THRB: variants seen among roughly 807,000 people sequenced by gnomAD.
THRB encodes thyroid hormone receptor beta.
In THRB, 12 loss-of-function variants were observed where a neutral mutation model predicts 47.8. That is an observed-to-expected ratio of 0.25 (90% CI 0.16 to 0.41). The LOEUF is 0.41. Among genes scored for constraint, THRB ranks in the 10% least tolerant of loss-of-function variants. The pLI is 1.00. For missense variants in THRB, 348 were observed against 589.2 expected (o/e 0.59, Z 4.24); for synonymous variants, 218 against 212.2 (o/e 1.03, Z -0.24).
intron 3 of THRB, among the ~76,000 whole-genome samples, chr3:24,241,550 G>A (rs1360810401): frequency 1.3e-5 from 2 of 152,152 alleles, no homozygotes; most frequent in Non-Finnish European, 2.9e-5. Flanking sequence ...TTGGATGGTG[G>A]CAGTCATGGC....
intron 2 of THRB, among the ~76,000 whole-genome samples, chr3:24,313,973 T>G (rs2057938962): frequency 6.6e-6 from 1 of 152,230 alleles, no homozygotes; most frequent in Admixed American, 6.5e-5. Flanking sequence ...CATGAAGAAC[T>G]TATGCAGAGG....
chr3:24,442,835 A>T (rs111883901), intron 1 of THRB, among the ~76,000 whole-genome samples: 89,114 of 150,606 alleles, frequency 0.59, 27,049 homozygotes, highest in Non-Finnish European at 0.62. Context: ...AAAAAAAAAA[A>T]AAAAACAAAA....
At chr3:24,162,422 C>T (rs1365517313) in intron 5 of THRB, among the ~76,000 whole-genome samples, 1 of 152,122 alleles carries the variant, frequency 6.6e-6, no homozygotes, top group African/African-American at 2.4e-5. Flanking sequence ...ATCATATCTT[C>T]TGAGTGAATG....
At chr3:24,240,954 G>A (rs188073047) in intron 3 of THRB, among the ~76,000 whole-genome samples, 157 of 152,196 alleles carry the variant, frequency 1.0e-3, no homozygotes, top group Middle Eastern at 6.8e-3. Context: ...CCAGCACACG[G>A]TCAGCCTTCT....
intron 1 of THRB, among the ~76,000 whole-genome samples, chr3:24,374,040 C>A (rs1361302900): frequency 1.3e-5 from 2 of 152,140 alleles, no homozygotes; most frequent in South Asian, 4.1e-4. Context: ...CTGCCCAATT[C>A]ACGAATCGTC....
chr3:24,311,720 A>C (rs184559303), intron 2 of THRB, among the ~76,000 whole-genome samples: 1 of 152,072 alleles, frequency 6.6e-6, no homozygotes, highest in Non-Finnish European at 1.5e-5. Context: ...TGGACTCTTC[A>C]TCCTTGCTCT....
At chr3:24,137,433 G>A (rs991727069) in intron 8 of THRB, among the ~76,000 whole-genome samples, 1 of 152,222 alleles carries the variant, frequency 6.6e-6, no homozygotes, top group African/African-American at 2.4e-5. Flanking sequence ...GTCTGGAGGT[G>A]ACATGATAAT....
chr3:24,398,791 C>T (rs968740181), intron 1 of THRB, among the ~76,000 whole-genome samples: 14 of 152,032 alleles, frequency 9.2e-5, no homozygotes, highest in African/African-American at 1.9e-4. Flanking sequence ...AAGTTTATTG[C>T]GGCACTATTC....
intron 5 of THRB, 73 bp from the exon 6 acceptor site, chr3:24,152,563 G>A (rs1393734597): frequency 5.9e-6 from 5 of 851,338 alleles, no homozygotes; most frequent in South Asian, 2.8e-5. Flanking sequence ...AGCTAAGGTT[G>A]CTAGGCCAGA....
chr3:24,251,788 A>G (rs2050695673), intron 3 of THRB, among the ~76,000 whole-genome samples: 1 of 152,076 alleles, frequency 6.6e-6, no homozygotes, highest in South Asian at 2.1e-4. Context: ...GCACAGGGAA[A>G]AAATAAACTT....
At chr3:24,157,682 C>T (rs948555366) in intron 5 of THRB, among the ~76,000 whole-genome samples, 1 of 152,008 alleles carries the variant, frequency 6.6e-6, no homozygotes, top group Non-Finnish European at 1.5e-5. Context: ...GGTGCATGGT[C>T]ACCACACCTG....
At chr3:24,265,546 C>T (rs1446691029) in intron 3 of THRB, among the ~76,000 whole-genome samples, 1 of 152,070 alleles carries the variant, frequency 6.6e-6, no homozygotes, top group Non-Finnish European at 1.5e-5. Flanking sequence ...TTATATGGTA[C>T]TGTATAATAA....
intron 4 of THRB, among the ~76,000 whole-genome samples, chr3:24,200,540 A>T (rs2044470825): frequency 6.6e-6 from 1 of 152,232 alleles, no homozygotes; most frequent in South Asian, 2.1e-4. Context: ...ACTCTCAGGG[A>T]TTAACAAAAT....
chr3:24,413,399 T>C (rs925870786), intron 1 of THRB, among the ~76,000 whole-genome samples: 1 of 151,786 alleles, frequency 6.6e-6, no homozygotes, highest in African/African-American at 2.4e-5. Context: ...TGGTAAATTC[T>C]TTGGGGATTA....
intron 1 of THRB, among the ~76,000 whole-genome samples, chr3:24,467,088 G>A (rs62228850): frequency 6.6e-6 from 1 of 152,128 alleles, no homozygotes; most frequent in Non-Finnish European, 1.5e-5. Flanking sequence ...TAAATCCTTT[G>A]TTGTCACTTC....
At chr3:24,443,356 G>A (rs1248141243) in intron 1 of THRB, among the ~76,000 whole-genome samples, 1 of 151,854 alleles carries the variant, frequency 6.6e-6, no homozygotes, top group Non-Finnish European at 1.5e-5. Context: ...GTATTATCTG[G>A]TTCAAAAAAT....
intron 1 of THRB, among the ~76,000 whole-genome samples, chr3:24,436,659 G>A (rs1378736299): frequency 6.6e-6 from 1 of 152,124 alleles, no homozygotes; most frequent in Non-Finnish European, 1.5e-5. Flanking sequence ...CACTGCCCTT[G>A]AACATAGATT....
At chr3:24,441,673 T>C (rs1162918571) in intron 1 of THRB, among the ~76,000 whole-genome samples, 1 of 152,186 alleles carries the variant, frequency 6.6e-6, no homozygotes, top group African/African-American at 2.4e-5. Flanking sequence ...CCCATCCCGC[T>C]TGCCTACACG....
rs1229888321 is a variant in THRB, at chr3:24,119,836, A to G, written c.*3048T>C. 3 of 152,284 alleles carry G rather than the reference A, an allele frequency of 2.0e-5. No homozygotes were observed. The highest frequency in any genetic ancestry group is 4.4e-5 in the Non-Finnish European group (3 of 68,056). 9.4% of individuals were successfully genotyped at this position (152,284 alleles called of 1,614,324 possible). ...GTTTCTGGAAATACTGCACGTCTAA[A>G]TTGAGCAAAGTACACTTGAGGGTCA... On this transcript the variant is annotated 3_prime_UTR_variant, in exon 11 of 11. Transcript: ENST00000646209.
Sources: gnomAD v4.1 joint callset for allele counts (sites outside exome capture counted in the v4.1 genomes callset) on GRCh38, gnomAD v4.1.1 for gene constraint, MANE v1.5 for transcripts, NCBI Gene and HGNC (gene_info 2026-07-23, HGNC 2026-07-21) for gene names.